Variants in PRDM15 observed in about 807,000 individuals in gnomAD.
PRDM15 encodes the protein PR/SET domain 15, also known as PR domain zinc finger protein 15.
In PRDM15, 64 loss-of-function variants were observed where a neutral mutation model predicts 128.6. That is an observed-to-expected ratio of 0.50 (90% CI 0.41 to 0.61). The LOEUF (loss-of-function observed/expected upper bound fraction) is 0.61, where lower values mean the gene tolerates loss of function less well. Among genes scored for constraint, PRDM15 ranks in the 20% least tolerant of loss-of-function variants. The pLI, the probability that PRDM15 is intolerant of heterozygous loss-of-function variation, is 0.00. For missense variants in PRDM15, 1,242 were observed against 1,569.1 expected, an observed-to-expected ratio of 0.79 and a Z score of 3.52; for synonymous variants, 615 against 621.8, an observed-to-expected ratio of 0.99 and a Z score of 0.16.
chr21:41,819,813 T>TA lies in PRDM15; in HGVS notation c.2141-113dup, dbSNP rs1307470004. 1.9e-5 allele frequency: 27 copies of TA among 1,395,360 alleles called. No homozygotes were observed. The African/African-American group carries it at 3.4e-4, about 18-fold the overall frequency. 86.4% of individuals were successfully genotyped at this position (1,395,360 alleles called of 1,614,324 possible). ...GCCTCCCCAGCAGCTAGAAGCGCAG[T>TA]AACAGGGGTGGGGTCGCCTCTTCAG... On this transcript the variant is annotated intron_variant, in intron 17 of 23. Transcript: ENST00000398548.
Position 41,854,657 on chromosome 21 carries a change from G to A in PRDM15, c.447C>T (p.Pro149=), listed in dbSNP as rs775001185. The A allele has an allele frequency of 2.5e-6, 4 of 1,613,676 alleles. No individual in the cohort carries two copies. The Admixed American group carries it at 5.0e-5, about 20-fold the overall frequency. ...DVYFTTSRDI[P]PGTELRVWYA... ...ACCACACGCGCAGCTCGGTACCCGG[G>A]GGGATGTCTCTGGAGGTGGTGAAGT... Residue 149 remains proline (P), a synonymous_variant, in exon 5 of 24, where the codon CCC becomes CCT. Transcript: ENST00000398548. The surrounding 1 kb of genome is among the most constrained non-coding windows in gnomAD (Gnocchi z 4.6).
At chr21:41,830,500 CAT>C (rs1332518382) in intron 11 of PRDM15, among the ~76,000 whole-genome samples, 4 of 151,240 alleles carry the variant, frequency 2.6e-5, no homozygotes, top group Non-Finnish European at 3.0e-5. Flanking sequence ...ACCACACACA[CAT>C]AATACNCCAC....
In PRDM15 at chr21:41,810,088, C is replaced by T; in HGVS notation, c.2652+66G>A. Reference sequence around the variant, plus strand: ...CTGCAGAGGGAGGTGGGCCATGTGCCAGCATGGGGGTGTCCGGTGCGCGGC... The same window carrying T: ...CTGCAGAGGGAGGTGGGCCATGTGCTAGCATGGGGGTGTCCGGTGCGCGGC... On this transcript the variant is annotated intron_variant, in intron 21 of 23. Coordinates refer to ENST00000398548, the MANE Select transcript of PRDM15 (RefSeq NM_001040424.3). This position sits in a 1 kb window ranked among gnomAD's most constrained non-coding sequence, Gnocchi z 6.4. The T allele has an allele frequency of 6.6e-7, 1 of 1,509,938 alleles. No homozygotes were observed. The highest frequency in any genetic ancestry group is 1.8e-5 in the Admixed American group (1 of 56,310). 93.5% of individuals were successfully genotyped at this position (1,509,938 alleles called of 1,614,324 possible). A position where few individuals can be genotyped will look rare whatever the true frequency, so the allele number is the denominator to read the frequency against.
intron 1 of PRDM15, chr21:41,871,362 C>A: frequency 2.3e-6 from 1 of 441,090 alleles, no homozygotes; most frequent in Non-Finnish European, 3.7e-6. Flanking sequence ...ACCTCCTGCA[C>A]CACCACCTCT....
At chr21:41,807,448 C>T (rs115782339) in intron 21 of PRDM15, among the ~76,000 whole-genome samples, 1,674 of 152,258 alleles carry the variant, frequency 0.011, 37 homozygotes, top group African/African-American at 0.039. Context: ...GGGACAGGCT[C>T]GGGGGACCGT....
chr21:41,865,642 C>G (rs1212021058), intron 1 of PRDM15, among the ~76,000 whole-genome samples: 1 of 152,206 alleles, frequency 6.6e-6, no homozygotes, highest in Non-Finnish European at 1.5e-5. Flanking sequence ...CCTTCAATTA[C>G]TCTCACATCC....
intron 1 of PRDM15, among the ~76,000 whole-genome samples, chr21:41,860,910 G>A (rs965181393): frequency 7.9e-5 from 12 of 152,130 alleles, no homozygotes; most frequent in South Asian, 2.1e-4. Context: ...GATTTGAATG[G>A]CCTCATGAAC....
chr21:41,802,556 G>A (rs1421392102), intron 23 of PRDM15, among the ~76,000 whole-genome samples, 156 bp downstream of exon 23: 1 of 152,198 alleles, frequency 6.6e-6, no homozygotes. Context: ...CATGAAACAT[G>A]CTTAAGTGAA....
chr21:41,864,481 A>G (rs1339014388), intron 1 of PRDM15, among the ~76,000 whole-genome samples: 2 of 170 alleles, frequency 0.012, no homozygotes, highest in Admixed American at 0.25. Flanking sequence ...CAACATGTCA[A>G]AAAGTAAAAA....
chr21:41,810,680 C>G lies in PRDM15; in HGVS notation c.2476+73G>C. ...AGATAATAGAATAGTCGTTTCCACC[C>G]CAGCAGGCACTCAGACAGCCCCGGC... On this transcript the variant is annotated intron_variant, in intron 20 of 23. Transcript: ENST00000398548. The surrounding 1 kb of genome is among the most constrained non-coding windows in gnomAD (Gnocchi z 6.4). 2.5e-6 allele frequency: 3 copies of G among 1,180,992 alleles called. No individual in the cohort carries two copies. The highest frequency in any genetic ancestry group is 3.8e-6 in the Non-Finnish European group (3 of 789,798). The allele number at this position is 1,180,992 out of a possible 1,614,324, so 73.2% of individuals were successfully genotyped here.
chr21:41,878,533 A>G (rs186751464), intron 1 of PRDM15, among the ~76,000 whole-genome samples: 1,690 of 152,008 alleles, frequency 0.011, 29 homozygotes, highest in African/African-American at 0.039. Context: ...CCACCTGTCC[A>G]CGCGAGGCGG....
intron 21 of PRDM15, among the ~76,000 whole-genome samples, chr21:41,806,802 G>A (rs895823579): frequency 6.6e-4 from 88 of 133,966 alleles, no homozygotes; most frequent in African/African-American, 2.1e-3. Context: ...CACCATCACC[G>A]CCTCCTCCAT....
intron 5 of PRDM15, among the ~76,000 whole-genome samples, chr21:41,849,622 T>C (rs963561115): frequency 2.0e-5 from 3 of 151,522 alleles, no homozygotes; most frequent in Non-Finnish European, 4.4e-5. Flanking sequence ...GAATGTAAAC[T>C]ATATGTCATC....
intron 6 of PRDM15, among the ~76,000 whole-genome samples, chr21:41,844,494 T>C (rs388014): frequency 3.0e-3 from 36 of 11,846 alleles, no homozygotes; most frequent in African/African-American, 9.4e-3. Flanking sequence ...ACACACACAG[T>C]CCCTCCCCCC....
Position 41,879,040 on chromosome 21 carries a change from G to A in PRDM15, c.-10+230C>T, listed in dbSNP as rs954961650. The A allele has an allele frequency of 8.0e-6, 9 of 1,119,076 alleles. No homozygotes were observed. The African/African-American group carries it at 1.2e-4, about 15-fold the overall frequency. The allele number at this position is 1,119,076 out of a possible 1,614,324, so 69.3% of individuals were successfully genotyped here. A position where few individuals can be genotyped will look rare whatever the true frequency, so the allele number is the denominator to read the frequency against. ...CAGGGCGATCCCGGAGCGGCTCCGG[G>A]AAATCCAGCCGGGTTTTGACTCCGA... On this transcript the variant is annotated intron_variant, in intron 1 of 23. Transcript: ENST00000398548. The surrounding 1 kb of genome is among the most constrained non-coding windows in gnomAD (Gnocchi z 5.1).
At position 41,798,557 on chromosome 21, in the gene PRDM15, C is replaced by A. The variant is rs2061350947; in HGVS notation, c.*2683G>T. ...CCCGAGCCCCTTCTCAACCCACAGACCAGGATTCACGGGGAGCAGCTGTAC... is the reference window on the plus strand; with the variant it reads ...CCCGAGCCCCTTCTCAACCCACAGAACAGGATTCACGGGGAGCAGCTGTAC... On this transcript the variant is annotated 3_prime_UTR_variant, in exon 24 of 24. Coordinates refer to ENST00000398548, the MANE Select transcript of PRDM15 (RefSeq NM_001040424.3). 1 of 152,294 alleles carries A rather than the reference C, an allele frequency of 6.6e-6. No homozygotes were observed. Among genetic ancestry groups the A allele is most frequent in the African/African-American group, 2.4e-5 (1 of 41,448 alleles). 9.4% of individuals were successfully genotyped at this position (152,294 alleles called of 1,614,324 possible).
chr21:41,828,327 T>C lies in PRDM15; in HGVS notation c.1373A>G (p.Lys458Arg). ...GAAACACATCTCACATTGGAACGTC[T>C]TGTCATCTGTCCAGAGAGCAAACAA... Reference protein sequence around the residue: ...LEFHNCRTDDKTFQCEMCFRF... With the variant: ...LEFHNCRTDDRTFQCEMCFRF... The change falls in exon 12 of 24, where the codon AAG becomes AGG. Residue 458 changes from lysine (K) to arginine (R), a missense_variant. Lys to Arg is a conservative substitution (Grantham distance 26). This residue lies in a region of PRDM15 where 612 missense variants were observed against 717.0 expected (regional missense o/e 0.85). Transcript: ENST00000398548. This position sits in a 1 kb window ranked among gnomAD's most constrained non-coding sequence, Gnocchi z 5.7. 6 of 1,613,992 alleles carry C rather than the reference T, an allele frequency of 3.7e-6. No individual in the cohort carries two copies. Among genetic ancestry groups the C allele is most frequent in the Non-Finnish European group, 5.1e-6 (6 of 1,179,958 alleles).
At chr21:41,827,342 T>C (rs2062507319) in intron 12 of PRDM15, among the ~76,000 whole-genome samples, 1 of 152,180 alleles carries the variant, frequency 6.6e-6, no homozygotes, top group East Asian at 1.9e-4. Flanking sequence ...TGGACGGACA[T>C]GGTTATACTT....
intron 12 of PRDM15, among the ~76,000 whole-genome samples, chr21:41,827,356 T>G (rs28539502): frequency 0.16 from 24,759 of 152,066 alleles, 2,159 homozygotes; most frequent in East Asian, 0.25. Flanking sequence ...TATACTTCAT[T>G]TTTTATTTTT....
Sources: allele counts gnomAD v4.1 joint callset (sites outside exome capture counted in the v4.1 genomes callset), GRCh38; gene constraint gnomAD v4.1.1; regional missense constraint gnomAD v4.1.1; non-coding constraint Gnocchi (gnomAD v3.1); transcripts MANE v1.5; gene names NCBI Gene and HGNC (gene_info 2026-07-23, HGNC 2026-07-21).